Variants in SNX2 observed in about 807,000 individuals in gnomAD.
The protein encoded by SNX2 is sorting nexin 2.
In SNX2, 25 loss-of-function variants were observed where a neutral mutation model predicts 69.9. The observed-to-expected ratio is 0.36, with a 90% CI of 0.26 to 0.50. SNX2 has a LOEUF of 0.50. Ranked by LOEUF, SNX2 falls within the 20% of genes least tolerant of loss-of-function variation. The probability of loss-of-function intolerance (pLI) is 0.97; values close to 1 mark genes in which losing one functional copy is unlikely to be tolerated. For missense variants in SNX2, 551 were observed against 613.3 expected, an observed-to-expected ratio of 0.90 and a Z score of 1.07; for synonymous variants, 229 against 200.4, an observed-to-expected ratio of 1.14 and a Z score of -1.20.
In SNX2 at chr5:122,784,316, A is replaced by T. The variant is rs367708989; in HGVS notation, c.108+9105A>T. 1.1e-4 allele frequency among the ~76,000 whole-genome samples: 17 copies of T among 151,468 alleles called. No individual in the cohort carries two copies. The East Asian group carries it at 3.1e-3, about 28-fold the overall frequency. Reference sequence around the variant, plus strand: ...CTTTCCTTTTTCATGATCTCAGGATATAAGATGTTATCTGTAAGGTTTTTT... The same window carrying T: ...CTTTCCTTTTTCATGATCTCAGGATTTAAGATGTTATCTGTAAGGTTTTTT... On this transcript the variant is annotated intron_variant, in intron 1 of 14. Transcript: ENST00000379516.
chr5:122,831,404 T>G lies in SNX2; in HGVS notation c.*1756T>G, dbSNP rs527379950. 6.6e-6 allele frequency among the ~76,000 whole-genome samples: 1 copy of G among 152,222 alleles called. No individual in the cohort carries two copies. Among genetic ancestry groups the G allele is most frequent in the African/African-American group, 2.4e-5 (1 of 41,548 alleles). On this transcript the variant is annotated 3_prime_UTR_variant, in exon 15 of 15. Transcript: ENST00000379516. ...AGGAGGATCTCTTGAGCCCAGGAGT[T>G]TGAGGCTATAGTACACTATGATCGT...
intron 1 of SNX2, among the ~76,000 whole-genome samples, chr5:122,786,176 A>G (rs1186225452): frequency 2.6e-5 from 4 of 152,128 alleles, no homozygotes; most frequent in African/African-American, 9.7e-5. Context: ...GTTTAGCACA[A>G]CAGCTTTCTT....
rs563446881 is a variant in SNX2, at chr5:122,796,919, G to C, written c.226+1536G>C. Among the ~76,000 whole-genome samples, 121 of 151,960 alleles carry C rather than the reference G, an allele frequency of 8.0e-4. 1 individual carries two copies. Among genetic ancestry groups the C allele is most frequent in the African/African-American group, 2.8e-3 (118 of 41,452 alleles). On this transcript the variant is annotated intron_variant, in intron 2 of 14. Transcript: ENST00000379516. ...ACAATGATATTTGCCCACTTAGCTT[G>C]GTTAGAAAAAAAATTAAAAACAGTT...
At chr5:122,821,339 C>G (rs1416314099) in intron 11 of SNX2, among the ~76,000 whole-genome samples, 2 of 152,146 alleles carry the variant, frequency 1.3e-5, no homozygotes, top group African/African-American at 4.8e-5. Context: ...CTTCCATCCC[C>G]TTCTCTCCCT....
At chr5:122,780,447 A>G (rs1282940946) in intron 1 of SNX2, among the ~76,000 whole-genome samples, 1 of 152,200 alleles carries the variant, frequency 6.6e-6, no homozygotes, top group African/African-American at 2.4e-5. Context: ...GTTGAGAATT[A>G]TCAAGAGAAA....
intron 5 of SNX2, among the ~76,000 whole-genome samples, 157 bp from the exon 6 acceptor site, chr5:122,803,313 GTT>G (rs35617924): frequency 4.0e-5 from 6 of 151,198 alleles, no homozygotes; most frequent in Admixed American, 1.3e-4. Flanking sequence ...TATGGTTTAG[GTT>G]TTTTTTTTAG....
chr5:122,808,224 A>G (rs1263529159), intron 6 of SNX2, 53 bp from the exon 7 acceptor site: 1 of 1,116,430 alleles, frequency 9.0e-7, no homozygotes, highest in Non-Finnish European at 1.3e-6. Flanking sequence ...TGATTATGAA[A>G]GACTTTCACA....
chr5:122,775,241 T>A, intron 1 of SNX2, 30 bp downstream of exon 1: 1 of 1,530,130 alleles, frequency 6.5e-7, no homozygotes, highest in South Asian at 1.2e-5. Flanking sequence ...GGTGCTGCGC[T>A]GCGTAGCTGC....
chr5:122,798,656 A>G (rs1044719971), intron 2 of SNX2, among the ~76,000 whole-genome samples: 2 of 152,096 alleles, frequency 1.3e-5, no homozygotes, highest in Non-Finnish European at 2.9e-5. Context: ...AGTTCTACAG[A>G]CTAGCAAAGT....
intron 1 of SNX2, among the ~76,000 whole-genome samples, chr5:122,777,071 T>TA (rs906010379): frequency 6.6e-6 from 1 of 152,214 alleles, no homozygotes; most frequent in Non-Finnish European, 1.5e-5. Flanking sequence ...GGGAAGGATA[T>TA]ATAGCAGTAT....
chr5:122,833,421 T>TA lies in SNX2; in HGVS notation c.*3779dup, dbSNP rs770916253. 6.6e-6 allele frequency: 1 copy of TA among 152,176 alleles called. No homozygotes were observed. The highest frequency in any genetic ancestry group is 1.5e-5 in the Non-Finnish European group (1 of 68,016). 9.4% of individuals were successfully genotyped at this position (152,176 alleles called of 1,614,324 possible). On this transcript the variant is annotated 3_prime_UTR_variant, in exon 15 of 15. Transcript: ENST00000379516. ...TTTTCTACAGCCAAATGTTAAAAAG[T>TA]AAAAAACAATTTTAATAATCCAGTA...
intron 1 of SNX2, among the ~76,000 whole-genome samples, chr5:122,793,009 C>T (rs1024428521): frequency 1.3e-5 from 2 of 152,156 alleles, no homozygotes; most frequent in Non-Finnish European, 2.9e-5. Flanking sequence ...AACAAAGTTT[C>T]ATATGCTGCT....
intron 1 of SNX2, among the ~76,000 whole-genome samples, chr5:122,782,792 C>T (rs958627716): frequency 6.6e-6 from 1 of 152,154 alleles, no homozygotes; most frequent in Non-Finnish European, 1.5e-5. Flanking sequence ...CTGCCTTGGC[C>T]TCCCAAAGTG....
At chr5:122,813,886 G>C (rs113878735) in intron 7 of SNX2, among the ~76,000 whole-genome samples, 4,008 of 148,078 alleles carry the variant, frequency 0.027, 147 homozygotes, top group African/African-American at 0.08. Context: ...CAATTCTCCT[G>C]CCTCAGCTTC....
intron 5 of SNX2, among the ~76,000 whole-genome samples, chr5:122,802,604 T>C (rs1753541157): frequency 6.6e-6 from 1 of 152,022 alleles, no homozygotes; most frequent in Non-Finnish European, 1.5e-5. Context: ...GTGGCACAAG[T>C]AGGTTTTTGT....
chr5:122,818,240 A>G (rs537754419), intron 10 of SNX2, among the ~76,000 whole-genome samples: 54 of 152,146 alleles, frequency 3.5e-4, no homozygotes, highest in Non-Finnish European at 6.5e-4. Context: ...ACTTTTCTTT[A>G]TTTGAAATAT....
At chr5:122,804,508 G>A (rs1753589709) in intron 6 of SNX2, among the ~76,000 whole-genome samples, 1 of 151,868 alleles carries the variant, frequency 6.6e-6, no homozygotes, top group African/African-American at 2.4e-5. Flanking sequence ...TAGGACTGCA[G>A]GCACACACCA....
chr5:122,777,668 A>G (rs931190566), intron 1 of SNX2, among the ~76,000 whole-genome samples: 5 of 152,370 alleles, frequency 3.3e-5, no homozygotes, highest in African/African-American at 9.6e-5. Flanking sequence ...GCATTACTAT[A>G]TCTGTACACT....
At chr5:122,787,027 G>C (rs1753106413) in intron 1 of SNX2, among the ~76,000 whole-genome samples, 1 of 152,166 alleles carries the variant, frequency 6.6e-6, no homozygotes, top group Non-Finnish European at 1.5e-5. Flanking sequence ...GACAACTGTA[G>C]TTCTGATCAT....
Sources: gnomAD v4.1 joint callset for allele counts (sites outside exome capture counted in the v4.1 genomes callset) on GRCh38, gnomAD v4.1.1 for gene constraint, MANE v1.5 for transcripts, NCBI Gene and HGNC (gene_info 2026-07-23, HGNC 2026-07-21) for gene names.